The following DNAJC13 variants were observed in gnomAD, a reference collection of about 807,000 sequenced individuals.
DNAJC13 encodes dnaJ homolog subfamily C member 13.
In DNAJC13, 75 loss-of-function variants were observed where a neutral mutation model predicts 290.5. The ratio of observed to expected loss-of-function variants is 0.26; its 90% confidence interval spans 0.21 to 0.31. The LOEUF is 0.31. Among genes scored for constraint, DNAJC13 ranks in the 10% least tolerant of loss-of-function variants. DNAJC13 has a pLI of 1.00. For synonymous variants in DNAJC13, 862 were observed against 892.0 expected, an observed-to-expected ratio of 0.97 and a Z score of 0.60; for missense variants, 2,260 against 2,674.5, an observed-to-expected ratio of 0.85 and a Z score of 3.42.
At chr3:132,447,673 G>GT (rs1933296232) in intron 4 of DNAJC13, among the ~76,000 whole-genome samples, 1 of 151,932 alleles carries the variant, frequency 6.6e-6, no homozygotes, top group South Asian at 2.1e-4. Flanking sequence ...AAGTTTATTA[G>GT]TTTTTTTTAA....
chr3:132,469,125 CTT>C (rs1309859814), intron 20 of DNAJC13, among the ~76,000 whole-genome samples: 1 of 152,158 alleles, frequency 6.6e-6, no homozygotes, highest in Non-Finnish European at 1.5e-5. Context: ...TCAAGAAGAT[CTT>C]TTGGTTAGCA....
intron 25 of DNAJC13, 116 bp from the exon 26 acceptor site, chr3:132,480,253 A>T (rs1342587724): frequency 3.5e-6 from 2 of 574,988 alleles, no homozygotes; most frequent in African/African-American, 3.8e-5. Flanking sequence ...GACTCCAAAC[A>T]TTCTTTTCTT....
intron 29 of DNAJC13, among the ~76,000 whole-genome samples, chr3:132,485,601 G>A (rs1007110284): frequency 6.6e-6 from 1 of 152,226 alleles, no homozygotes; most frequent in African/African-American, 2.4e-5. Context: ...AGTTTGTGGT[G>A]TATGTTGATG....
intron 48 of DNAJC13, among the ~76,000 whole-genome samples, chr3:132,522,119 A>G (rs1212064561): frequency 1.3e-5 from 2 of 152,208 alleles, no homozygotes; most frequent in Admixed American, 6.5e-5. Context: ...TGAGAATACA[A>G]GCAATGAGTA....
At chr3:132,450,400 T>C (rs894456472) in intron 5 of DNAJC13, among the ~76,000 whole-genome samples, 2 of 152,136 alleles carry the variant, frequency 1.3e-5, no homozygotes, top group African/African-American at 4.8e-5. Context: ...AATAGCTTCA[T>C]AAAATATTGT....
chr3:132,425,897 T>C (rs1195872295), intron 1 of DNAJC13, among the ~76,000 whole-genome samples: 1 of 152,128 alleles, frequency 6.6e-6, no homozygotes, highest in Non-Finnish European at 1.5e-5. Context: ...TTGGCTTGAG[T>C]GTCTGTGGTG....
intron 36 of DNAJC13, among the ~76,000 whole-genome samples, chr3:132,497,598 T>C (rs1935274868): frequency 6.6e-6 from 1 of 152,264 alleles, no homozygotes; most frequent in Non-Finnish European, 1.5e-5. Context: ...AGAATACGTT[T>C]ATAATACATT....
At chr3:132,481,650 G>A (rs1934678460) in intron 26 of DNAJC13, among the ~76,000 whole-genome samples, 1 of 152,148 alleles carries the variant, frequency 6.6e-6, no homozygotes, top group African/African-American at 2.4e-5. Context: ...TTTTAACCTA[G>A]ATTCTTGTAA....
chr3:132,511,797 C>G (rs1351181338), intron 44 of DNAJC13, among the ~76,000 whole-genome samples: 1 of 152,118 alleles, frequency 6.6e-6, no homozygotes, highest in Non-Finnish European at 1.5e-5. Flanking sequence ...AACAGCTTCT[C>G]TCAACTCTAA....
chr3:132,516,285 T>G, intron 46 of DNAJC13, 137 bp from the exon 47 acceptor site: 1 of 779,968 alleles, frequency 1.3e-6, no homozygotes, highest in Non-Finnish European at 2.1e-6. Context: ...TGAAAATACC[T>G]GTCTCACTGG....
At chr3:132,469,523 T>G (rs1429948511) in intron 20 of DNAJC13, among the ~76,000 whole-genome samples, 1 of 152,214 alleles carries the variant, frequency 6.6e-6, no homozygotes, top group Non-Finnish European at 1.5e-5. Context: ...GAGCTTTTTG[T>G]CCTTTTTCTG....
intron 3 of DNAJC13, 69 bp from the exon 4 acceptor site, chr3:132,447,252 A>G: frequency 8.5e-6 from 11 of 1,287,208 alleles, no homozygotes; most frequent in Non-Finnish European, 9.1e-6. Flanking sequence ...ATGAAATTAA[A>G]GTGACAAAAA....
At chr3:132,451,152 T>G (rs1052345305) in intron 6 of DNAJC13, among the ~76,000 whole-genome samples, 30 of 152,140 alleles carry the variant, frequency 2.0e-4, no homozygotes, top group East Asian at 1.9e-4. Context: ...CCAAAAAGTT[T>G]CTAAGCTTTC....
At position 132,465,985 on chromosome 3, in the gene DNAJC13, C is replaced by CT. The variant is rs34430007; in HGVS notation, c.1893-4dup. On this transcript the variant is annotated splice_polypyrimidine_tract_variant and intron_variant, in intron 17 of 55. Coordinates refer to ENST00000260818, the MANE Select transcript of DNAJC13 (RefSeq NM_015268.4). Reference sequence around the variant, plus strand: ...AGCAGCAAACCTTTCTCAACGTCTGCTTTTTTCAGACAGCTAAGTAGACAT... The same window carrying CT: ...AGCAGCAAACCTTTCTCAACGTCTGCTTTTTTTCAGACAGCTAAGTAGACAT... 6.2e-7 allele frequency: 1 copy of CT among 1,609,528 alleles called. No individual in the cohort carries two copies. The highest frequency in any genetic ancestry group is 1.7e-5 in the Admixed American group (1 of 59,924).
chr3:132,520,814 G>T (rs1046221441), intron 48 of DNAJC13, among the ~76,000 whole-genome samples: 2 of 152,122 alleles, frequency 1.3e-5, no homozygotes, highest in Non-Finnish European at 2.9e-5. Flanking sequence ...GTCAATAGAT[G>T]ATTTCTGTAG....
In DNAJC13 at chr3:132,502,163, A is replaced by G. The variant is rs1245378963; in HGVS notation, c.4537-126A>G. 5 of 731,362 alleles carry G rather than the reference A, an allele frequency of 6.8e-6. No individual in the cohort carries two copies. The East Asian group carries it at 1.4e-4, about 20-fold the overall frequency. 45.3% of individuals were successfully genotyped at this position (731,362 alleles called of 1,614,324 possible). ...TTTAAATTGGAATTGAAAATGTAAG[A>G]AGAGGTAAACATTTTACAAAATAAC... is the stretch of plus-strand genomic sequence containing the variant. On this transcript the variant is annotated intron_variant, in intron 39 of 55. Coordinates refer to ENST00000260818, the MANE Select transcript of DNAJC13 (RefSeq NM_015268.4).
rs528364735 is a variant in DNAJC13, at chr3:132,439,155, T to A, written c.68+4537T>A. 2.8e-3 allele frequency among the ~76,000 whole-genome samples: 420 copies of A among 152,310 alleles called. 2 individuals carry two copies. Among genetic ancestry groups the A allele is most frequent in the African/African-American group, 9.6e-3 (397 of 41,556 alleles). ...AAATGCTGTGAATTTAGAGTATCAT[T>A]TTGGTATCTAAACAGGATTTTCACC... is the stretch of plus-strand genomic sequence containing the variant. On this transcript the variant is annotated intron_variant, in intron 2 of 55. Coordinates refer to ENST00000260818, the MANE Select transcript of DNAJC13 (RefSeq NM_015268.4).
At chr3:132,526,812 C>A (rs1402944625) in intron 53 of DNAJC13, among the ~76,000 whole-genome samples, 2 of 152,092 alleles carry the variant, frequency 1.3e-5, no homozygotes, top group Non-Finnish European at 2.9e-5. Flanking sequence ...AAAAAAGATG[C>A]AATAAATTTA....
intron 44 of DNAJC13, among the ~76,000 whole-genome samples, 161 bp from the exon 45 acceptor site, chr3:132,512,847 A>T (rs1935818180): frequency 6.6e-6 from 1 of 152,192 alleles, no homozygotes; most frequent in Admixed American, 6.5e-5. Flanking sequence ...TTTAAGACTT[A>T]TTGTTCCTTA....
Sources: allele counts gnomAD v4.1 joint callset (sites outside exome capture counted in the v4.1 genomes callset), GRCh38; gene constraint gnomAD v4.1.1; transcripts MANE v1.5; gene names NCBI Gene and HGNC (gene_info 2026-07-23, HGNC 2026-07-21).